EFNA5: variants seen among roughly 807,000 people sequenced by gnomAD.
EFNA5 encodes the protein ephrin A5, also known as ephrin-A5.
Under a neutral mutation model 22.9 loss-of-function variants are expected in EFNA5, and 5 were observed. The observed-to-expected ratio is 0.22, with a 90% CI of 0.11 to 0.46. The LOEUF is 0.46. EFNA5 is among the 20% of genes least tolerant of loss of function. EFNA5 has a pLI of 0.99. For missense variants in EFNA5, 237 were observed against 293.3 expected (o/e 0.81, Z 1.40); for synonymous variants, 113 against 112.2 (o/e 1.01, Z -0.04).
chr5:107,415,709 C>T (rs1359617666), intron 2 of EFNA5, among the ~76,000 whole-genome samples: 2 of 152,326 alleles, frequency 1.3e-5, no homozygotes, highest in South Asian at 4.1e-4. Context: ...TGTCTTTCCC[C>T]TTATGGGAGC....
intron 1 of EFNA5, among the ~76,000 whole-genome samples, chr5:107,633,536 A>G (rs139785723): frequency 3.2e-4 from 49 of 152,300 alleles, no homozygotes; most frequent in African/African-American, 1.1e-3. Context: ...TAACTTTTCC[A>G]CTTGTGAGCA....
chr5:107,583,235 A>G (rs1320387187), intron 1 of EFNA5, among the ~76,000 whole-genome samples: 1 of 152,180 alleles, frequency 6.6e-6, no homozygotes, highest in Non-Finnish European at 1.5e-5. Flanking sequence ...TCTCTCCCTA[A>G]AAAATAGAGC....
At chr5:107,644,137 G>A (rs1750582769) in intron 1 of EFNA5, among the ~76,000 whole-genome samples, 1 of 152,054 alleles carries the variant, frequency 6.6e-6, no homozygotes, top group Non-Finnish European at 1.5e-5. Context: ...GTTTGCCCAT[G>A]GATCCTTTAG....
chr5:107,507,131 T>G (rs1010977681), intron 1 of EFNA5, among the ~76,000 whole-genome samples: 3 of 152,176 alleles, frequency 2.0e-5, no homozygotes. Context: ...AAAAAACTTT[T>G]GTTCAAAAAT....
intron 1 of EFNA5, among the ~76,000 whole-genome samples, chr5:107,560,743 A>C (rs1580530873): frequency 6.6e-6 from 1 of 152,022 alleles, no homozygotes; most frequent in African/African-American, 2.4e-5. Flanking sequence ...ATCCCCAACT[A>C]CCCTCCATAT....
chr5:107,605,201 T>C (rs1166505289), intron 1 of EFNA5, among the ~76,000 whole-genome samples: 2 of 152,036 alleles, frequency 1.3e-5, no homozygotes, highest in South Asian at 2.1e-4. Context: ...ATGTGGTTTC[T>C]GTGTTTATAT....
At chr5:107,448,252 A>C (rs1749449850) in intron 1 of EFNA5, among the ~76,000 whole-genome samples, 1 of 152,194 alleles carries the variant, frequency 6.6e-6, no homozygotes, top group African/African-American at 2.4e-5. Context: ...CAGGCAAACA[A>C]ACACACAGAC....
chr5:107,494,772 T>C (rs1232354725), intron 1 of EFNA5, among the ~76,000 whole-genome samples: 1 of 152,132 alleles, frequency 6.6e-6, no homozygotes, highest in Non-Finnish European at 1.5e-5. Flanking sequence ...AACCTTTATG[T>C]CTAGCTCAGG....
At chr5:107,639,327 G>GA (rs1750453075) in intron 1 of EFNA5, among the ~76,000 whole-genome samples, 1 of 152,218 alleles carries the variant, frequency 6.6e-6, no homozygotes, top group Admixed American at 6.5e-5. Context: ...GCTAGCAGCA[G>GA]AAGCTCAGTG....
intron 1 of EFNA5, among the ~76,000 whole-genome samples, chr5:107,598,810 T>C (rs908516565): frequency 9.2e-5 from 14 of 152,324 alleles, no homozygotes; most frequent in Non-Finnish European, 1.6e-4. Context: ...ATGATCTAAA[T>C]GAAATTTTAA....
chr5:107,642,866 T>C (rs940464090), intron 1 of EFNA5, among the ~76,000 whole-genome samples: 8 of 151,230 alleles, frequency 5.3e-5, no homozygotes, highest in African/African-American at 1.9e-4. Flanking sequence ...TCTTAGAAAT[T>C]ATAGATGAGA....
At chr5:107,492,439 G>C (rs750652330) in intron 1 of EFNA5, among the ~76,000 whole-genome samples, 3 of 152,158 alleles carry the variant, frequency 2.0e-5, no homozygotes, top group Non-Finnish European at 2.9e-5. Context: ...AATAGATAAT[G>C]TGTTTTTAAA....
intron 1 of EFNA5, among the ~76,000 whole-genome samples, chr5:107,577,887 C>T (rs1023597110): frequency 6.6e-6 from 1 of 152,052 alleles, no homozygotes; most frequent in Non-Finnish European, 1.5e-5. Context: ...TTTTTTGGAG[C>T]GCGGGGGTTC....
chr5:107,520,920 T>TA (rs1178348359), intron 1 of EFNA5, among the ~76,000 whole-genome samples: 2 of 152,210 alleles, frequency 1.3e-5, no homozygotes, highest in Admixed American at 6.5e-5. Flanking sequence ...TGTATCATAC[T>TA]AAAGAAAACA....
Position 107,427,480 on chromosome 5 carries a change from A to ACAT in EFNA5, c.152_154dup (p.Asp51dup). Reference sequence around the variant, plus strand: ...AACATCCAGGTAGTCATTGATACAGACATCAATATGGTAGTCACCCCTCTG... The same window carrying ACAT: ...AACATCCAGGTAGTCATTGATACAGACATCATCAATATGGTAGTCACCCCTCTG... On this transcript the variant is annotated inframe_insertion, in exon 2 of 5. Transcript: ENST00000333274. The ACAT allele has an allele frequency of 6.2e-7, 1 of 1,613,108 alleles. No individual in the cohort carries two copies. The highest frequency in any genetic ancestry group is 8.5e-7 in the Non-Finnish European group (1 of 1,179,534).
At chr5:107,448,087 C>T (rs936184837) in intron 1 of EFNA5, among the ~76,000 whole-genome samples, 6 of 152,098 alleles carry the variant, frequency 3.9e-5, no homozygotes, top group South Asian at 2.1e-4. Context: ...TGAGCCACTG[C>T]GCCCAGCCAA....
rs945568511 is a variant in EFNA5 at position 107,465,075 on chromosome 5, T to C, written c.126-37566A>G. Among the ~76,000 whole-genome samples, 29 of 152,236 alleles carry C rather than the reference T, an allele frequency of 1.9e-4. 1 individual carries two copies. Among genetic ancestry groups the C allele is most frequent in the Admixed American group, 9.8e-4 (15 of 15,274 alleles). On this transcript the variant is annotated intron_variant, in intron 1 of 4. Transcript: ENST00000333274. ...ATTCTGTGTGAGGCTTTTTTTTTTT[T>C]TTTAAGAAAAACAATTCAAGGGAAG... is the stretch of plus-strand genomic sequence containing the variant.
chr5:107,590,371 C>A (rs1561442347), intron 1 of EFNA5, among the ~76,000 whole-genome samples: 2 of 151,644 alleles, frequency 1.3e-5, no homozygotes, highest in African/African-American at 2.4e-5. Flanking sequence ...TGTTGGTGAT[C>A]TAGGAACTCT....
intron 2 of EFNA5, among the ~76,000 whole-genome samples, chr5:107,423,413 T>TAA (rs11484483): frequency 0.1 from 14,595 of 145,332 alleles, 796 homozygotes; most frequent in African/African-American, 0.12. Flanking sequence ...AAAGGAGTAT[T>TAA]AAAAAAAAAA....
Sources: gnomAD v4.1 joint callset for allele counts (sites outside exome capture counted in the v4.1 genomes callset) on GRCh38, gnomAD v4.1.1 for gene constraint, MANE v1.5 for transcripts, NCBI Gene and HGNC (gene_info 2026-07-23, HGNC 2026-07-21) for gene names.